GPHN: variants seen among roughly 807,000 people sequenced by gnomAD.
The protein encoded by GPHN is gephyrin.
Under a neutral mutation model 95.5 loss-of-function variants are expected in GPHN, and 17 were observed. The ratio of observed to expected loss-of-function variants is 0.18; its 90% CI spans 0.12 to 0.27. The LOEUF (loss-of-function observed/expected upper bound fraction) is 0.27. Among genes scored for constraint, GPHN ranks in the 10% least tolerant of loss-of-function variants. The probability of loss-of-function intolerance (pLI) is 1.00; values close to 1 mark genes in which losing one functional copy is unlikely to be tolerated. For synonymous variants in GPHN, 320 were observed against 322.5 expected (o/e 0.99, Z 0.08); for missense variants, 660 against 978.1 (o/e 0.67, Z 4.34).
intron 11 of GPHN, among the ~76,000 whole-genome samples, chr14:67,078,803 A>G (rs1239399552): frequency 6.6e-6 from 1 of 152,094 alleles, no homozygotes; most frequent in African/African-American, 2.4e-5. Flanking sequence ...TTCCTTTTGT[A>G]TCTGCTGCCG....
rs570927293 is a variant in GPHN at position 66,863,765 on chromosome 14, T to C, written c.295-16174T>C. Among the ~76,000 whole-genome samples the C allele has an allele frequency of 3.9e-5, 6 of 152,250 alleles. No homozygotes were observed. The East Asian group carries it at 1.2e-3, about 29-fold the overall frequency. ...TGGTGCTGGGAAAACTGAATATTTA[T>C]ATGCAGAAGAATGAAACTAGACCCC... On this transcript the variant is annotated intron_variant, in intron 4 of 22. Transcript: ENST00000478722.
At chr14:66,512,195 A>G (rs1393787218) in intron 1 of GPHN, among the ~76,000 whole-genome samples, 1 of 151,898 alleles carries the variant, frequency 6.6e-6, no homozygotes, top group African/African-American at 2.4e-5. Flanking sequence ...TAGTGATTAT[A>G]CTTGAAGTCA....
At chr14:67,222,935 C>G in the GPHN span, among the ~76,000 whole-genome samples, 99 of 150,560 alleles carry the variant, frequency 6.6e-4, no homozygotes, top group African/African-American at 2.4e-3. Flanking sequence ...CCACAAAAAA[C>G]AGCAAATCAT....
At chr14:66,617,180 G>A (rs1478184150) in intron 1 of GPHN, among the ~76,000 whole-genome samples, 1 of 152,214 alleles carries the variant, frequency 6.6e-6, no homozygotes, top group Non-Finnish European at 1.5e-5. Flanking sequence ...TAGGGGCTCA[G>A]GCCCCTACCC....
At chr14:66,677,036 T>C (rs1314450022) in intron 1 of GPHN, among the ~76,000 whole-genome samples, 1 of 152,108 alleles carries the variant, frequency 6.6e-6, no homozygotes, top group Non-Finnish European at 1.5e-5. Context: ...TGTCCAGGAA[T>C]GTATCCATTT....
the GPHN span, among the ~76,000 whole-genome samples, chr14:67,400,748 G>T: frequency 2.0e-5 from 3 of 152,130 alleles, no homozygotes; most frequent in Non-Finnish European, 2.9e-5. Flanking sequence ...AGCACTTCGG[G>T]AGGCCAAGGT....
intron 21 of GPHN, among the ~76,000 whole-genome samples, chr14:67,175,975 G>A (rs1375813667): frequency 2.0e-5 from 3 of 152,120 alleles, no homozygotes; most frequent in Admixed American, 6.5e-5. Flanking sequence ...GGAGGTTTTG[G>A]GCTGAGACAG....
chr14:67,359,927 G>T, the GPHN span: 1 of 562,622 alleles, frequency 1.8e-6, no homozygotes, highest in South Asian at 2.2e-5. Flanking sequence ...GTCGAGGCGC[G>T]CGCACCGCGG....
chr14:67,652,775 C>A, the GPHN span, among the ~76,000 whole-genome samples: 1 of 152,180 alleles, frequency 6.6e-6, no homozygotes, highest in Non-Finnish European at 1.5e-5. Flanking sequence ...AAACTACTTT[C>A]TAATCAAGAT....
the GPHN span, chr14:67,335,967 G>T: frequency 7.0e-6 from 1 of 143,122 alleles, no homozygotes; most frequent in Non-Finnish European, 1.6e-5. Context: ...CTTTACAGAG[G>T]GATAGTGCCC....
chr14:67,203,131 G>A, the GPHN span: 203 of 1,613,488 alleles, frequency 1.3e-4, no homozygotes, highest in Non-Finnish European at 1.6e-4. Context: ...CTTCATAACC[G>A]AGCCAACTGG....
the GPHN span, among the ~76,000 whole-genome samples, chr14:67,305,500 C>T: frequency 5.3e-5 from 8 of 152,268 alleles, no homozygotes; most frequent in African/African-American, 1.7e-4. Context: ...AGGCTAGTCT[C>T]GAACTCCTGA....
chr14:66,981,940 T>C (rs1162455053), intron 9 of GPHN, among the ~76,000 whole-genome samples: 1 of 152,152 alleles, frequency 6.6e-6, no homozygotes, highest in African/African-American at 2.4e-5. Flanking sequence ...CCCTTATCAG[T>C]AAAAGAAACA....
chr14:67,542,848 G>A, the GPHN span, among the ~76,000 whole-genome samples: 1 of 152,116 alleles, frequency 6.6e-6, no homozygotes. Flanking sequence ...CTACAGGCAT[G>A]CACCACCACG....
At chr14:66,726,032 A>G (rs957995079) in intron 2 of GPHN, among the ~76,000 whole-genome samples, 1 of 152,258 alleles carries the variant, frequency 6.6e-6, no homozygotes, top group Non-Finnish European at 1.5e-5. Flanking sequence ...ATCCAAAAAG[A>G]TGAAACAAAG....
chr14:66,840,501 A>G (rs1204053768), intron 4 of GPHN, among the ~76,000 whole-genome samples: 1 of 152,090 alleles, frequency 6.6e-6, no homozygotes, highest in African/African-American at 2.4e-5. Flanking sequence ...TAAATTTTTT[A>G]GATTTTGTAG....
chr14:66,929,778 C>T (rs897022234), intron 8 of GPHN, among the ~76,000 whole-genome samples: 1 of 151,450 alleles, frequency 6.6e-6, no homozygotes, highest in Admixed American at 6.6e-5. Context: ...GTGGCGCTAT[C>T]TTGGCTCACT....
the GPHN span, chr14:67,228,407 T>A: frequency 2.3e-6 from 1 of 433,386 alleles, no homozygotes; most frequent in Non-Finnish European, 3.1e-6. Context: ...TTAAATGAAC[T>A]GACTTCTCCA....
the GPHN span, chr14:67,221,952 C>A: frequency 1.0e-6 from 1 of 1,003,176 alleles, no homozygotes; most frequent in Non-Finnish European, 1.4e-6. Flanking sequence ...ATGCTCCATT[C>A]TGAGAATCCT....
Sources: gnomAD v4.1 joint callset for allele counts (sites outside exome capture counted in the v4.1 genomes callset) on GRCh38, gnomAD v4.1.1 for gene constraint, MANE v1.5 for transcripts, NCBI Gene and HGNC (gene_info 2026-07-23, HGNC 2026-07-21) for gene names.